Variants in ALG14 observed in about 807,000 individuals in gnomAD.
ALG14 encodes UDP-N-acetylglucosamine transferase subunit ALG14.
In ALG14, 17 loss-of-function variants were observed where a neutral mutation model predicts 22.8. The observed-to-expected ratio is 0.75, with a 90% CI of 0.51 to 1.12. The LOEUF (loss-of-function observed/expected upper bound fraction) is 1.12. ALG14 is among the 50% of genes most tolerant of loss of function. The probability of loss-of-function intolerance (pLI) is 0.00; values close to 1 mark genes in which losing one functional copy is unlikely to be tolerated. For missense variants in ALG14, 288 were observed against 271.8 expected (o/e 1.06, Z -0.42); for synonymous variants, 89 against 103.7 (o/e 0.86, Z 0.86).
At chr1:95,019,333 C>T (rs1041104943) in intron 3 of ALG14, among the ~76,000 whole-genome samples, 1 of 152,152 alleles carries the variant, frequency 6.6e-6, no homozygotes, top group Non-Finnish European at 1.5e-5. Context: ...CAGCAGGGAC[C>T]TTCTTGCTAT....
intron 2 of ALG14, among the ~76,000 whole-genome samples, chr1:95,063,931 T>G (rs1272960103): frequency 2.0e-5 from 3 of 152,230 alleles, no homozygotes; most frequent in Non-Finnish European, 4.4e-5. Flanking sequence ...TGTATTTCCA[T>G]TTGTTTGTGT....
intron 3 of ALG14, among the ~76,000 whole-genome samples, chr1:94,998,043 T>A (rs1227442763): frequency 6.6e-6 from 1 of 152,164 alleles, no homozygotes; most frequent in East Asian, 1.9e-4. Flanking sequence ...GGTGGCAGAA[T>A]AAACCCCTAT....
chr1:95,065,142 A>G (rs2100841902), intron 1 of ALG14, 125 bp from the exon 2 acceptor site: 3 of 762,314 alleles, frequency 3.9e-6, no homozygotes, highest in Non-Finnish European at 2.0e-6. Context: ...TATATTTCTC[A>G]GAAGACACAA....
At position 94,981,413 on chromosome 1, in the gene ALG14, G is replaced by A. The variant is rs1291785381; in HGVS notation, c.*1663C>T. 1 of 149,366 alleles carries A rather than the reference G, an allele frequency of 6.7e-6. No individual in the cohort carries two copies. Among genetic ancestry groups the A allele is most frequent in the East Asian group, 2.0e-4 (1 of 5,070 alleles). 9.3% of individuals were successfully genotyped at this position (149,366 alleles called of 1,614,324 possible). A position where few individuals can be genotyped will look rare whatever the true frequency, so the allele number is the denominator to read the frequency against. ...AGGAAGATGTCCGGCTGACAGATGC[G>A]CCTGTTACATGATTCAGAGAAGACA... On this transcript the variant is annotated 3_prime_UTR_variant, in exon 4 of 4. Transcript: ENST00000370205.
rs989525587 is a variant in ALG14 at position 94,979,801 on chromosome 1, A to G, written c.*3275T>C. On this transcript the variant is annotated 3_prime_UTR_variant, in exon 4 of 4. Coordinates refer to ENST00000370205, the MANE Select transcript of ALG14 (RefSeq NM_144988.4). ...ATGTTTAAAATGAGTGGGCAGCAGG[A>G]ACACAGTTGTAGATGATTTGTTTTT... The G allele has an allele frequency of 1.9e-4, 29 of 152,190 alleles. No individual in the cohort carries two copies. Among genetic ancestry groups the G allele is most frequent in the African/African-American group, 6.3e-4 (26 of 41,438 alleles). The allele number at this position is 152,190 out of a possible 1,614,324, so 9.4% of individuals were successfully genotyped here. A position where few individuals can be genotyped will look rare whatever the true frequency, so the allele number is the denominator to read the frequency against.
At chr1:95,031,334 T>A (rs973344416) in intron 2 of ALG14, among the ~76,000 whole-genome samples, 1 of 152,082 alleles carries the variant, frequency 6.6e-6, no homozygotes, top group Admixed American at 6.6e-5. Flanking sequence ...AAGTCAGGGA[T>A]GAAAGTTGAA....
intron 2 of ALG14, among the ~76,000 whole-genome samples, chr1:95,036,911 T>C (rs1674219476): frequency 6.6e-6 from 1 of 152,200 alleles, no homozygotes; most frequent in Admixed American, 6.5e-5. Flanking sequence ...GATCCTTAAC[T>C]AGCCACCATG....
chr1:95,036,729 A>G (rs1362469389), intron 2 of ALG14, among the ~76,000 whole-genome samples: 1 of 151,938 alleles, frequency 6.6e-6, no homozygotes, highest in Non-Finnish European at 1.5e-5. Context: ...GCCTGGCCCA[A>G]GCTTCTTTTC....
chr1:94,983,393 G>T, intron 3 of ALG14, 87 bp from the exon 4 acceptor site: 1 of 1,072,022 alleles, frequency 9.3e-7, no homozygotes, highest in Non-Finnish European at 1.4e-6. Flanking sequence ...TGATTTCAGA[G>T]GGGATCTGCT....
At chr1:94,983,478 G>A (rs1557936835) in intron 3 of ALG14, 172 bp from the exon 4 acceptor site, 5 of 601,402 alleles carry the variant, frequency 8.3e-6, no homozygotes, top group Admixed American at 3.0e-5. Context: ...CATGCACTTT[G>A]GAGCCAGGCA....
intron 2 of ALG14, among the ~76,000 whole-genome samples, chr1:95,057,162 A>C (rs745817403): frequency 1.3e-5 from 2 of 151,202 alleles, no homozygotes; most frequent in Non-Finnish European, 2.9e-5. Context: ...AAATATATAT[A>C]TACATACACA....
chr1:95,022,802 C>G (rs1673700614), intron 3 of ALG14, among the ~76,000 whole-genome samples: 1 of 152,118 alleles, frequency 6.6e-6, no homozygotes, highest in South Asian at 2.1e-4. Context: ...TTTGTCTAGC[C>G]AAGTTTCCTT....
chr1:95,042,825 A>G lies in ALG14; in HGVS notation c.289-15565T>C, dbSNP rs1421868503. Among the ~76,000 whole-genome samples the G allele has an allele frequency of 2.6e-5, 4 of 152,088 alleles. No homozygotes were observed. The East Asian group carries it at 5.8e-4, about 22-fold the overall frequency. ...AAAAGTCGGGTCCTTCTGTTTTGGA[A>G]ATTTCCCTGGGTCATAATTTTGTTT... is the stretch of plus-strand genomic sequence containing the variant. On this transcript the variant is annotated intron_variant, in intron 2 of 3. Transcript: ENST00000370205.
At chr1:95,015,354 A>G (rs1251989052) in intron 3 of ALG14, among the ~76,000 whole-genome samples, 2 of 152,200 alleles carry the variant, frequency 1.3e-5, no homozygotes, top group Non-Finnish European at 2.9e-5. Flanking sequence ...CACAGGGATA[A>G]TAAAGCCAGA....
At chr1:95,008,229 T>C (rs1272618109) in intron 3 of ALG14, among the ~76,000 whole-genome samples, 5 of 152,150 alleles carry the variant, frequency 3.3e-5, no homozygotes, top group Non-Finnish European at 7.4e-5. Context: ...CAGGTATCTG[T>C]AGTGCTTCCT....
At chr1:95,064,764 C>A in intron 2 of ALG14, 102 bp downstream of exon 2, 1 of 987,828 alleles carries the variant, frequency 1.0e-6, no homozygotes, top group Non-Finnish European at 1.4e-6. Context: ...ATTTGACTGC[C>A]CATTGTGGGT....
At chr1:95,000,777 TAAAAAAAAAAAAAA>T (rs56810994) in intron 3 of ALG14, among the ~76,000 whole-genome samples, 1 of 65,232 alleles carries the variant, frequency 1.5e-5, no homozygotes, top group East Asian at 4.5e-4. Context: ...TATGCCACAC[TAAAAAAAAAAAAAA>T]AAAAAAAAAG....
At chr1:95,001,376 G>A (rs72720239) in intron 3 of ALG14, among the ~76,000 whole-genome samples, 39 of 152,346 alleles carry the variant, frequency 2.6e-4, no homozygotes, top group Middle Eastern at 6.8e-3. Flanking sequence ...ACAGAGGCAG[G>A]CCTGCTGTCT....
At chr1:95,002,341 T>G (rs555170775) in intron 3 of ALG14, among the ~76,000 whole-genome samples, 1 of 149,814 alleles carries the variant, frequency 6.7e-6, no homozygotes, top group Admixed American at 6.6e-5. Flanking sequence ...AGCCTCGCCT[T>G]AAGTTGGATG....
Sources: gnomAD v4.1 joint callset for allele counts (sites outside exome capture counted in the v4.1 genomes callset) on GRCh38, gnomAD v4.1.1 for gene constraint, MANE v1.5 for transcripts, NCBI Gene and HGNC (gene_info 2026-07-23, HGNC 2026-07-21) for gene names.